RNF144A: variants seen among roughly 807,000 people sequenced by gnomAD.
The protein encoded by RNF144A is E3 ubiquitin-protein ligase RNF144A.
In RNF144A, 11 loss-of-function variants were observed where a neutral mutation model predicts 38.7. That is an observed-to-expected ratio of 0.28 (90% CI 0.18 to 0.47). The LOEUF (loss-of-function observed/expected upper bound fraction) is 0.47. Ranked by LOEUF, RNF144A falls within the 20% of genes least tolerant of loss-of-function variation. The probability of loss-of-function intolerance (pLI) is 0.99; values close to 1 mark genes in which losing one functional copy is unlikely to be tolerated. For synonymous variants in RNF144A, 149 were observed against 143.9 expected (o/e 1.04, Z -0.25); for missense variants, 316 against 377.2 (o/e 0.84, Z 1.34).
chr2:7,037,224 C>T (rs1672738343), intron 8 of RNF144A, among the ~76,000 whole-genome samples: 1 of 152,210 alleles, frequency 6.6e-6, no homozygotes, highest in Admixed American at 6.5e-5. Flanking sequence ...ATCTGCCTGT[C>T]ACCAATTGGC....
chr2:6,970,303 G>C (rs548227838), intron 2 of RNF144A, among the ~76,000 whole-genome samples: 1 of 152,140 alleles, frequency 6.6e-6, no homozygotes, highest in African/African-American at 2.4e-5. Flanking sequence ...CATGAGATCT[G>C]ATGGTTTTAA....
chr2:6,964,911 A>G (rs1310101768), intron 2 of RNF144A, among the ~76,000 whole-genome samples: 2 of 152,174 alleles, frequency 1.3e-5, no homozygotes. Context: ...TGGAACATGT[A>G]TACATATGTA....
At chr2:7,030,421 A>G (rs1215274181) in intron 8 of RNF144A, among the ~76,000 whole-genome samples, 2 of 152,050 alleles carry the variant, frequency 1.3e-5, no homozygotes, top group Admixed American at 6.5e-5. Context: ...TCCTTATGGA[A>G]GCCCTGGCCC....
At chr2:6,932,844 T>A (rs1049526306) in intron 1 of RNF144A, among the ~76,000 whole-genome samples, 1 of 152,220 alleles carries the variant, frequency 6.6e-6, no homozygotes, top group Non-Finnish European at 1.5e-5. Flanking sequence ...ATTTGACAAA[T>A]ATCTCCACTG....
intron 3 of RNF144A, among the ~76,000 whole-genome samples, chr2:7,003,919 C>T (rs1473470466): frequency 6.6e-6 from 1 of 152,246 alleles, no homozygotes; most frequent in Non-Finnish European, 1.5e-5. Flanking sequence ...GTGGGGACCA[C>T]AAGTTATGGT....
chr2:7,071,530 C>T (rs1176339847), downstream of RNF144A, among the ~76,000 whole-genome samples: 2 of 152,198 alleles, frequency 1.3e-5, no homozygotes, highest in African/African-American at 2.4e-5. Context: ...GGCTCAATTT[C>T]TCAATTCCAG....
At chr2:6,947,043 G>A (rs139692676) in intron 2 of RNF144A, among the ~76,000 whole-genome samples, 70 of 152,148 alleles carry the variant, frequency 4.6e-4, no homozygotes, top group Non-Finnish European at 7.1e-4. Flanking sequence ...TTTTTACAAT[G>A]TATCTTCTAG....
rs901732898 is a variant in RNF144A at position 6,943,972 on chromosome 2, C to T, written c.-12+2825C>T. On this transcript the variant is annotated intron_variant, in intron 2 of 8. Transcript: ENST00000320892. The surrounding 1 kb of genome is among the most constrained non-coding windows in gnomAD (Gnocchi z 4.3). ...CTGGGTGACTGCATGCTTCTCTAGA[C>T]AGCCCTGATGGGGAGTTGAAGTGTG... Among the ~76,000 whole-genome samples the T allele has an allele frequency of 2.0e-5, 3 of 152,178 alleles. No homozygotes were observed. Among genetic ancestry groups the T allele is most frequent in the Non-Finnish European group, 4.4e-5 (3 of 68,024 alleles).
intron 3 of RNF144A, among the ~76,000 whole-genome samples, chr2:7,006,245 T>A (rs114090128): frequency 8.4e-4 from 128 of 152,326 alleles, no homozygotes; most frequent in African/African-American, 3.0e-3. Flanking sequence ...GATGCTGTAG[T>A]TATAACTTTT....
chr2:7,043,543 A>G lies in RNF144A; in HGVS notation c.*3783A>G. 1.0e-6 allele frequency: 1 copy of G among 985,806 alleles called. No individual in the cohort carries two copies. The highest frequency in any genetic ancestry group is 1.2e-6 in the Non-Finnish European group (1 of 829,868). The allele number at this position is 985,806 out of a possible 1,614,324, so 61.1% of individuals were successfully genotyped here. ...AGCTTCATGAAGTTCTCTTTAAAAA[A>G]TACCAAAGCTTGTTTATTTCTGATA... On this transcript the variant is annotated 3_prime_UTR_variant, in exon 9 of 9. Transcript: ENST00000320892.
intron 7 of RNF144A, among the ~76,000 whole-genome samples, chr2:7,029,772 A>C (rs925817479): frequency 6.6e-6 from 1 of 152,234 alleles, no homozygotes; most frequent in Non-Finnish European, 1.5e-5. Flanking sequence ...CTGCGTGTTC[A>C]GTAGCCCTTT....
chr2:7,016,648 A>C (rs185626008), intron 5 of RNF144A, among the ~76,000 whole-genome samples: 1 of 152,026 alleles, frequency 6.6e-6, no homozygotes, highest in African/African-American at 2.4e-5. Context: ...ACTTCATACT[A>C]TAAAAGACCT....
chr2:6,941,979 GAT>G lies in RNF144A; in HGVS notation c.-12+835_-12+836del, dbSNP rs1487435405. ...TGGGGGAATTCTAGGTTCATGATGG[GAT>G]ATCAGTGTAGGGTTTTAAGCAGAGA... On this transcript the variant is annotated intron_variant, in intron 2 of 8. Transcript: ENST00000320892. The surrounding 1 kb of genome is among the most constrained non-coding windows in gnomAD (Gnocchi z 6.5). Among the ~76,000 whole-genome samples, 2 of 152,242 alleles carry G rather than the reference GAT, an allele frequency of 1.3e-5. No homozygotes were observed. The highest frequency in any genetic ancestry group is 3.8e-4 in the East Asian group (2 of 5,200).
intron 2 of RNF144A, among the ~76,000 whole-genome samples, chr2:6,946,127 A>G (rs1216971765): frequency 6.6e-6 from 1 of 152,230 alleles, no homozygotes; most frequent in African/African-American, 2.4e-5. Flanking sequence ...ACAAAAACAA[A>G]TGTATTTTTG....
chr2:7,031,128 G>A (rs1572443555), intron 8 of RNF144A, among the ~76,000 whole-genome samples: 1 of 152,218 alleles, frequency 6.6e-6, no homozygotes, highest in East Asian at 1.9e-4. Flanking sequence ...GTGCACCCTG[G>A]TTCCTAACAG....
intron 2 of RNF144A, among the ~76,000 whole-genome samples, chr2:6,961,960 G>T (rs1667372695): frequency 6.6e-6 from 1 of 152,178 alleles, no homozygotes; most frequent in Non-Finnish European, 1.5e-5. Flanking sequence ...TAATATCTGA[G>T]GTTTGTTGTT....
downstream of RNF144A, among the ~76,000 whole-genome samples, chr2:7,048,465 C>T (rs1287667088): frequency 6.6e-6 from 1 of 152,176 alleles, no homozygotes; most frequent in East Asian, 1.9e-4. Context: ...TAACAAACAA[C>T]GAGCAGACCA....
downstream of RNF144A, among the ~76,000 whole-genome samples, chr2:7,045,054 G>C (rs528018650): frequency 6.6e-6 from 1 of 152,356 alleles, no homozygotes; most frequent in East Asian, 1.9e-4. Context: ...AGGGAAGGCT[G>C]TCCAGAGGAC....
intron 3 of RNF144A, among the ~76,000 whole-genome samples, chr2:7,004,076 G>T (rs542102215): frequency 1.3e-5 from 2 of 152,308 alleles, no homozygotes; most frequent in African/African-American, 4.8e-5. Flanking sequence ...GGACTCTTTG[G>T]TCTCTGAACT....
Sources: gnomAD v4.1 joint callset for allele counts (sites outside exome capture counted in the v4.1 genomes callset) on GRCh38, gnomAD v4.1.1 for gene constraint, Gnocchi (gnomAD v3.1) non-coding constraint, MANE v1.5 for transcripts, NCBI Gene and HGNC (gene_info 2026-07-23, HGNC 2026-07-21) for gene names.